LIG1: variants seen among roughly 807,000 people sequenced by gnomAD.
The protein encoded by LIG1 is ligase I, DNA, ATP-dependent.
Under a neutral mutation model 115.7 loss-of-function variants are expected in LIG1, and 70 were observed. The observed-to-expected ratio is 0.60, with a 90% confidence interval of 0.50 to 0.74. LIG1 has a LOEUF of 0.74. Ranked by LOEUF, LIG1 falls within the 30% of genes least tolerant of loss-of-function variation. The pLI, the probability that LIG1 is intolerant of heterozygous loss-of-function variation, is 0.00. For synonymous variants in LIG1, 487 were observed against 495.3 expected (o/e 0.98, Z 0.22); for missense variants, 1,115 against 1,225.6 (o/e 0.91, Z 1.35).
In LIG1 at chr19:48,122,674, GGAGA is replaced by G. The variant is rs1375257926; in HGVS notation, c.2232+256_2232+259del. 1.3e-5 allele frequency among the ~76,000 whole-genome samples: 2 copies of G among 152,234 alleles called. No homozygotes were observed. Among genetic ancestry groups the G allele is most frequent in the Admixed American group, 6.5e-5 (1 of 15,290 alleles). On this transcript the variant is annotated intron_variant, in intron 23 of 27. Coordinates refer to ENST00000263274, the MANE Select transcript of LIG1 (RefSeq NM_000234.3). The surrounding 1 kb of genome is among the most constrained non-coding windows in gnomAD (Gnocchi z 4.3). ...TGGCCCGACACGGGCGGCAGGCTCA[GGAGA>G]GAGACACCTCATCACGCTGCACCTC...
intron 5 of LIG1, 152 bp from the exon 6 acceptor site, chr19:48,154,119 C>A (rs2035684617): frequency 1.4e-6 from 1 of 707,854 alleles, no homozygotes. Context: ...GCAGGCCGCA[C>A]CCTTCAATCC....
At chr19:48,127,073 G>A (rs554864699) in intron 21 of LIG1, 48 of 591,232 alleles carry the variant, frequency 8.1e-5, no homozygotes, top group Non-Finnish European at 1.3e-4. Flanking sequence ...GAGTTGGAAA[G>A]AGAGGGACCT....
At chr19:48,131,934 CTTTTTTT>C (rs34833018) in intron 18 of LIG1, among the ~76,000 whole-genome samples, 1 of 131,878 alleles carries the variant, frequency 7.6e-6, no homozygotes, top group Non-Finnish European at 1.6e-5. Context: ...TGGATCCACC[CTTTTTTT>C]TTTTTTTTTT....
chr19:48,128,001 G>A lies in LIG1; in HGVS notation c.1841C>T (p.Thr614Ile), dbSNP rs3731003. 2.0e-3 allele frequency: 3,300 copies of A among 1,614,120 alleles called. 56 individuals are homozygous for A. In the African/African-American group the frequency reaches 0.039, roughly 19 times the overall value. ...GGCTTCGGTGTCCAGGATGAAGGAT[G>A]TGACCGATGGGAGTTTAATCTGAAA... ...RIPKIKLPSV[T>I]SFILDTEAVA... Residue 614 changes from threonine (T) to isoleucine (I), a missense_variant, in exon 20 of 28, where the codon ACA becomes ATA. By Grantham distance (89) the Thr-to-Ile change is moderately conservative (BLOSUM62 -1). Coordinates refer to ENST00000263274, the MANE Select transcript of LIG1 (RefSeq NM_000234.3).
intron 4 of LIG1, among the ~76,000 whole-genome samples, chr19:48,159,350 G>A (rs747934979): frequency 7.3e-5 from 10 of 137,768 alleles, no homozygotes; most frequent in Non-Finnish European, 1.2e-4. Flanking sequence ...GATTACAGGC[G>A]TGAGCCATCA....
At chr19:48,130,102 T>C (rs1039733544) in intron 19 of LIG1, among the ~76,000 whole-genome samples, 7 of 152,210 alleles carry the variant, frequency 4.6e-5, no homozygotes, top group African/African-American at 1.7e-4. Flanking sequence ...TATACATTCA[T>C]TGGGGTGTCG....
Position 48,162,277 on chromosome 19 carries a change from G to T in LIG1, c.92C>A (p.Thr31Lys). ...TGTGACATACTTTGGAGGGGGCTCC[G>T]TCTCTCTGCTGCTATTGGATGCCTC... ...EKEASNSSRETEPPPKAALKE... is the reference protein window; with the variant it reads ...EKEASNSSREKEPPPKAALKE... Residue 31 changes from threonine to lysine, a missense_variant, in exon 3 of 28, where the codon ACG becomes AAG. Thr to Lys is a moderately conservative substitution (Grantham distance 78). Transcript: ENST00000263274. The T allele has an allele frequency of 6.2e-7, 1 of 1,613,728 alleles. No individual in the cohort carries two copies. The highest frequency in any genetic ancestry group is 8.5e-7 in the Non-Finnish European group (1 of 1,179,696).
intron 16 of LIG1, 129 bp downstream of exon 16, chr19:48,135,551 C>T: frequency 2.5e-6 from 2 of 795,742 alleles, no homozygotes; most frequent in East Asian, 4.9e-5. Context: ...CTCTCAGTCA[C>T]CCCGTGACCG....
intron 9 of LIG1, among the ~76,000 whole-genome samples, chr19:48,144,533 ACT>A (rs2034993502): frequency 6.6e-6 from 1 of 151,928 alleles, no homozygotes; most frequent in Non-Finnish European, 1.5e-5. Flanking sequence ...ACAGAGTCTC[ACT>A]CTGTTGCCCA....
chr19:48,134,170 T>A, intron 16 of LIG1, 104 bp from the exon 17 acceptor site: 1 of 1,011,894 alleles, frequency 9.9e-7, no homozygotes, highest in Admixed American at 2.0e-5. Context: ...CCTGGATGCC[T>A]CTGCCCACTG....
rs1245286866 is a variant in LIG1, at chr19:48,123,319, C to T, written c.2005-1G>A. ...GGGAAAGGGGCTCACGTACCAGGGA[C>T]TGCAGGGCCGGCAGGGAGAAGAGAG... On this transcript the variant is annotated splice_acceptor_variant, in intron 21 of 27. Transcript: ENST00000263274. LOFTEE classifies it high-confidence loss of function. 6.2e-7 allele frequency: 1 copy of T among 1,613,050 alleles called. No individual in the cohort carries two copies. Among genetic ancestry groups the T allele is most frequent in the Admixed American group, 1.7e-5 (1 of 59,998 alleles).
chr19:48,132,341 G>A (rs752432886), intron 18 of LIG1, among the ~76,000 whole-genome samples: 38 of 152,114 alleles, frequency 2.5e-4, no homozygotes, highest in East Asian at 5.8e-4. Context: ...TGCACGTCAC[G>A]GCATGAAGGG....
In LIG1 at chr19:48,161,330, T is replaced by C. The variant is rs772574759; in HGVS notation, c.243+42A>G. On this transcript the variant is annotated intron_variant, in intron 4 of 27. Coordinates refer to ENST00000263274, the MANE Select transcript of LIG1 (RefSeq NM_000234.3). ...CTCTGTTCCAAAGGTTAATGGGAAT[T>C]AGTTTCTTCTGGTAAAAATGGGCAG... 5 of 1,613,650 alleles carry C rather than the reference T, an allele frequency of 3.1e-6. No individual in the cohort carries two copies. The Admixed American group carries it at 8.3e-5, about 27-fold the overall frequency.
At chr19:48,116,242 G>A (rs2032811886) in intron 26 of LIG1, 1 of 408,226 alleles carries the variant, frequency 2.4e-6, no homozygotes, top group Non-Finnish European at 4.7e-6. Context: ...AGGAGATGGA[G>A]ACTATCCTGG....
rs184277609 is a variant in LIG1 at position 48,157,387 on chromosome 19, C to T, written c.244-247G>A. On this transcript the variant is annotated intron_variant, in intron 4 of 27. Transcript: ENST00000263274. Reference sequence around the variant, plus strand: ...CTACAGTAACAGAATCTTCGATTCTCCTGCTTCAGCCTCCCAAGTAGCTGG... The same window carrying T: ...CTACAGTAACAGAATCTTCGATTCTTCTGCTTCAGCCTCCCAAGTAGCTGG... Among the ~76,000 whole-genome samples, 248 of 152,196 alleles carry T rather than the reference C, an allele frequency of 1.6e-3. 2 individuals carry two copies. The highest frequency in any genetic ancestry group is 1.8e-3 in the Admixed American group (28 of 15,284).
chr19:48,125,077 C>T (rs1422919266), intron 21 of LIG1, among the ~76,000 whole-genome samples: 1 of 151,014 alleles, frequency 6.6e-6, no homozygotes, highest in Admixed American at 6.6e-5. Flanking sequence ...TACTTGACTA[C>T]ATAAAAATAG....
At position 48,137,600 on chromosome 19, in the gene LIG1, G is replaced by T. The variant is rs754338939; in HGVS notation, c.1176C>A (p.Leu392=). The change falls in exon 13 of 28, where the codon CTC becomes CTA. Residue 392 remains leucine (L), a synonymous_variant. Coordinates refer to ENST00000263274, the MANE Select transcript of LIG1 (RefSeq NM_000234.3). This position sits in a 1 kb window ranked among gnomAD's most constrained non-coding sequence, Gnocchi z 4.3. Reference sequence around the variant, plus strand: ...CAGTGAGCGGAGGTGGTGGCAGCATGAGCCTCTGGGTGCTGCGGCTGTTCT... The same window carrying T: ...CAGTGAGCGGAGGTGGTGGCAGCATTAGCCTCTGGGTGCTGCGGCTGTTCT... The part of the protein sequence containing the change: ...VAENSRSTQR[L]MLPPPPLTAS... 6.2e-7 allele frequency: 1 copy of T among 1,613,018 alleles called. No homozygotes were observed. Among genetic ancestry groups the T allele is most frequent in the Non-Finnish European group, 8.5e-7 (1 of 1,179,988 alleles).
At chr19:48,132,702 A>C (rs1430668004) in intron 18 of LIG1, among the ~76,000 whole-genome samples, 1 of 149,778 alleles carries the variant, frequency 6.7e-6, no homozygotes, top group African/African-American at 2.5e-5. Context: ...GAGGCAGGAG[A>C]ATCACTTGAA....
Position 48,143,962 on chromosome 19 carries a change from G to C in LIG1, c.778C>G (p.Pro260Ala). The C allele has an allele frequency of 6.2e-7, 1 of 1,612,730 alleles. No individual in the cohort carries two copies. ...APGKEGAAEG[P>A]LDPSGYNPAK... Reference sequence around the variant, plus strand: ...GGATTGTAACCAGATGGATCCAGGGGTCTACGGAGGCAAAACGGAGATTGA... The same window carrying C: ...GGATTGTAACCAGATGGATCCAGGGCTCTACGGAGGCAAAACGGAGATTGA... The change falls in exon 10 of 28, where the codon CCC (proline) becomes GCC (alanine). Residue 260 changes from proline (P) to alanine (A), a missense_variant and splice_region_variant. Pro to Ala is a conservative substitution (Grantham distance 27, BLOSUM62 -1). Coordinates refer to ENST00000263274, the MANE Select transcript of LIG1 (RefSeq NM_000234.3).
Sources: allele counts gnomAD v4.1 joint callset (sites outside exome capture counted in the v4.1 genomes callset), GRCh38; gene constraint gnomAD v4.1.1; non-coding constraint Gnocchi (gnomAD v3.1); transcripts MANE v1.5; gene names NCBI Gene and HGNC (gene_info 2026-07-23, HGNC 2026-07-21).